Variants in SPAG17 observed in about 807,000 individuals in gnomAD.
The protein encoded by SPAG17 is sperm-associated antigen 17.
In SPAG17, 169 loss-of-function variants were observed where a neutral mutation model predicts 273.6. That is an observed-to-expected ratio of 0.62 (90% CI 0.55 to 0.70). The LOEUF (loss-of-function observed/expected upper bound fraction) is 0.70, where lower values mean the gene tolerates loss of function less well. Ranked by LOEUF, SPAG17 falls within the 30% of genes least tolerant of loss-of-function variation. The pLI is 0.00. For synonymous variants in SPAG17, 825 were observed against 873.2 expected (o/e 0.94, Z 0.97); for missense variants, 2,557 against 2,627.8 (o/e 0.97, Z 0.59).
At position 118,086,755 on chromosome 1, in the gene SPAG17, T is replaced by C. The variant is rs773347196; in HGVS notation, c.1527A>G (p.Glu509=). 3 of 1,614,090 alleles carry C rather than the reference T, an allele frequency of 1.9e-6. No individual in the cohort carries two copies. Among genetic ancestry groups the C allele is most frequent in the Non-Finnish European group, 2.5e-6 (3 of 1,180,048 alleles). The change falls in exon 12 of 49, where the codon GAA becomes GAG. Residue 509 remains glutamate (E), a synonymous_variant. Coordinates refer to ENST00000336338, the MANE Select transcript of SPAG17 (RefSeq NM_206996.4). ...TGGGCACTGCTTTGCTTTCATTTTC[T>C]TCTTCAGATAAAAATATGTCATGAA... ...KNLHDIFLSE[E]ENESKAVPKG...
At chr1:117,980,502 G>A (rs928522664) in intron 43 of SPAG17, among the ~76,000 whole-genome samples, 1 of 152,146 alleles carries the variant, frequency 6.6e-6, no homozygotes, top group African/African-American at 2.4e-5. Flanking sequence ...AAAGTGCTGG[G>A]ATTACAGGCA....
intron 20 of SPAG17, among the ~76,000 whole-genome samples, chr1:118,044,875 G>A (rs150649008): frequency 1.4e-3 from 210 of 152,158 alleles, no homozygotes; most frequent in African/African-American, 5.0e-3. Context: ...CTCCAGCCAC[G>A]TTTCCTGTAC....
At chr1:118,059,742 A>G (rs750077089) in intron 18 of SPAG17, among the ~76,000 whole-genome samples, 33 of 152,114 alleles carry the variant, frequency 2.2e-4, no homozygotes, top group African/African-American at 4.1e-4. Context: ...TTCATATGAT[A>G]TAAGTGTAGA....
chr1:118,077,298 T>C (rs554751278), intron 15 of SPAG17, among the ~76,000 whole-genome samples: 28 of 152,224 alleles, frequency 1.8e-4, no homozygotes, highest in African/African-American at 6.0e-4. Context: ...TCAAATGGAA[T>C]GGCTCCTGGA....
At chr1:118,088,749 A>T (rs1297634955) in intron 10 of SPAG17, among the ~76,000 whole-genome samples, 1 of 152,180 alleles carries the variant, frequency 6.6e-6, no homozygotes. Context: ...AGCAGACTGG[A>T]CTCCCTGAAG....
In SPAG17 at chr1:117,966,638, T is replaced by C. The variant is rs1475562721; in HGVS notation, c.6503A>G (p.His2168Arg). The change falls in exon 47 of 49, where the codon CAT becomes CGT. Residue 2168 changes from histidine (H) to arginine (R), a missense_variant. By Grantham distance (29) the His-to-Arg change is conservative (BLOSUM62 0). Coordinates refer to ENST00000336338, the MANE Select transcript of SPAG17 (RefSeq NM_206996.4). ...ISHNIEIMTE[H>R]EVLFLPVEAT... is the part of the protein sequence containing the mutation. ...TTCCACAGGTAGGAACAGAACCTCA[T>C]GCTCTGTCATAATCTCGATATTGTG... 1 of 1,613,428 alleles carries C rather than the reference T, an allele frequency of 6.2e-7. No homozygotes were observed. The highest frequency in any genetic ancestry group is 8.5e-7 in the Non-Finnish European group (1 of 1,179,770).
intron 24 of SPAG17, among the ~76,000 whole-genome samples, chr1:118,036,330 G>A (rs1649068641): frequency 6.6e-6 from 1 of 152,086 alleles, no homozygotes; most frequent in South Asian, 2.1e-4. Flanking sequence ...TATAATAACA[G>A]GATTCACAAA....
intron 23 of SPAG17, among the ~76,000 whole-genome samples, chr1:118,037,837 G>C (rs1390216003): frequency 6.6e-6 from 1 of 152,092 alleles, no homozygotes; most frequent in Non-Finnish European, 1.5e-5. Flanking sequence ...TGAATTTTCT[G>C]ACTTGTTTTA....
At chr1:118,095,834 G>GCT (rs1371701888) in intron 7 of SPAG17, among the ~76,000 whole-genome samples, 2 of 152,146 alleles carry the variant, frequency 1.3e-5, no homozygotes, top group African/African-American at 4.8e-5. Flanking sequence ...ATGAAATAGT[G>GCT]AAGGACAGAG....
intron 24 of SPAG17, among the ~76,000 whole-genome samples, chr1:118,033,192 G>T (rs1443013575): frequency 2.0e-5 from 3 of 152,126 alleles, no homozygotes; most frequent in Admixed American, 6.6e-5. Flanking sequence ...CTCAAGGCAT[G>T]ACCTTCCTTC....
intron 48 of SPAG17, chr1:117,954,765 C>T (rs1033522021): frequency 4.3e-6 from 4 of 926,984 alleles, no homozygotes; most frequent in Admixed American, 2.6e-5. Flanking sequence ...TGAATCTTGG[C>T]ATTCTCTAGG....
At chr1:118,171,716 C>T (rs1279498121) in intron 1 of SPAG17, among the ~76,000 whole-genome samples, 1 of 152,142 alleles carries the variant, frequency 6.6e-6, no homozygotes, top group Non-Finnish European at 1.5e-5. Flanking sequence ...TAAATAACTT[C>T]CTTTACTCTA....
rs763260145 is a variant in SPAG17, at chr1:117,994,477, C to G, written c.5107G>C (p.Val1703Leu). 1.9e-6 allele frequency: 3 copies of G among 1,612,916 alleles called. No homozygotes were observed. Among genetic ancestry groups the G allele is most frequent in the African/African-American group, 1.3e-5 (1 of 74,970 alleles). Residue 1703 changes from valine (V) to leucine (L), a missense_variant, in exon 35 of 49, where the codon GTA (valine) becomes CTA (leucine). Val to Leu is a conservative substitution (Grantham distance 32). Transcript: ENST00000336338. ...RPFHEASPWQ[V>L]KKEDTIVPPN... is the part of the protein sequence containing the mutation. ...GGGACAATTGTATCTTCCTTTTTTACTTGCCATGGTGATGCTTCATGGAAA... is the reference window on the plus strand; with the variant it reads ...GGGACAATTGTATCTTCCTTTTTTAGTTGCCATGGTGATGCTTCATGGAAA...
chr1:118,061,980 G>A (rs1175759627), intron 18 of SPAG17, among the ~76,000 whole-genome samples: 5 of 152,018 alleles, frequency 3.3e-5, no homozygotes, highest in African/African-American at 1.2e-4. Context: ...CAACCAAGAG[G>A]AAAATACTGT....
In SPAG17 at chr1:118,039,339, T is replaced by C; in HGVS notation, c.3272A>G (p.Tyr1091Cys). 6.2e-7 allele frequency: 1 copy of C among 1,613,534 alleles called. No individual in the cohort carries two copies. The highest frequency in any genetic ancestry group is 1.7e-4 in the Middle Eastern group (1 of 6,060). Reference sequence around the variant, plus strand: ...ATCTCCTTCTTCTTCCTCTTCTAAATAATAATCCCCTTTCTCTTCCTTTTT... The same window carrying C: ...ATCTCCTTCTTCTTCCTCTTCTAAACAATAATCCCCTTTCTCTTCCTTTTT... ...IVKKEEKGDYYLEEEEEGDEE... is the reference protein window; with the variant it reads ...IVKKEEKGDYCLEEEEEGDEE... The change falls in exon 23 of 49, where the codon TAT becomes TGT. Residue 1091 changes from tyrosine to cysteine, a missense_variant. By Grantham distance (194) the Tyr-to-Cys change is radical. Transcript: ENST00000336338.
intron 1 of SPAG17, among the ~76,000 whole-genome samples, chr1:118,172,931 T>G (rs1406204885): frequency 6.6e-6 from 1 of 152,160 alleles, no homozygotes; most frequent in Non-Finnish European, 1.5e-5. Context: ...GGCTATACTA[T>G]TTAAACAAGT....
At chr1:118,036,716 G>A in intron 24 of SPAG17, 54 bp downstream of exon 24, 1 of 1,199,118 alleles carries the variant, frequency 8.3e-7, no homozygotes, top group Non-Finnish European at 1.2e-6. Flanking sequence ...ATGGGCAGTG[G>A]CAGGGACCCT....
intron 1 of SPAG17, among the ~76,000 whole-genome samples, chr1:118,163,615 G>A (rs1222207513): frequency 6.9e-6 from 1 of 144,196 alleles, no homozygotes; most frequent in African/African-American, 2.6e-5. Context: ...TCTCTCCCTC[G>A]CCTCGCCTTG....
intron 5 of SPAG17, 74 bp downstream of exon 5, chr1:118,101,666 A>G (rs1159424741): frequency 1.4e-5 from 21 of 1,453,854 alleles, no homozygotes; most frequent in Admixed American, 5.9e-5. Context: ...TGAGTCACCA[A>G]ATTAACTGGT....
Sources: allele counts gnomAD v4.1 joint callset (sites outside exome capture counted in the v4.1 genomes callset), GRCh38; gene constraint gnomAD v4.1.1; transcripts MANE v1.5; gene names NCBI Gene and HGNC (gene_info 2026-07-23, HGNC 2026-07-21).